Variants in TMEM260 observed in about 807,000 individuals in gnomAD.
TMEM260 encodes transmembrane protein 260.
TMEM260 carries 82 observed loss-of-function variants against 88.9 expected under a neutral mutation model. The ratio of observed to expected loss-of-function variants is 0.92; its 90% CI spans 0.77 to 1.11. TMEM260 has a LOEUF of 1.11. TMEM260 is among the 50% of genes least tolerant of loss of function. The pLI is 0.00. For missense variants in TMEM260, 902 were observed against 853.4 expected, an observed-to-expected ratio of 1.06 and a Z score of -0.71; for synonymous variants, 314 against 309.3, an observed-to-expected ratio of 1.02 and a Z score of -0.16.
At chr14:56,652,349 T>C (rs906063128), downstream of TMEM260, among the ~76,000 whole-genome samples, 1 of 151,840 alleles carries the variant, frequency 6.6e-6, no homozygotes, top group African/African-American at 2.4e-5. Flanking sequence ...AATACAAAAA[T>C]TAGCAGGGCA....
chr14:56,583,990 TTG>T (rs10594077), intron 1 of TMEM260, among the ~76,000 whole-genome samples: 45,645 of 145,668 alleles, frequency 0.31, 7,123 homozygotes, highest in East Asian at 0.44. Flanking sequence ...ATCCAGCCTT[TTG>T]TGTGTGTGTG....
At chr14:56,613,769 T>C (rs1475822150) in intron 7 of TMEM260, 1 of 151,444 alleles carries the variant, frequency 6.6e-6, no homozygotes, top group Non-Finnish European at 1.5e-5. Context: ...TTTTCAAAAA[T>C]AAAAATGGCA....
intron 15 of TMEM260, among the ~76,000 whole-genome samples, chr14:56,638,808 A>G (rs1385584813): frequency 6.6e-6 from 1 of 152,224 alleles, no homozygotes; most frequent in Non-Finnish European, 1.5e-5. Flanking sequence ...GGCAGGGCGT[A>G]GGCAATGCTA....
chr14:56,609,761 AATGCCTC>A (rs1269495759), intron 6 of TMEM260, among the ~76,000 whole-genome samples: 1 of 152,192 alleles, frequency 6.6e-6, no homozygotes, highest in African/African-American at 2.4e-5. Flanking sequence ...CATATCTGTA[AATGCCTC>A]ATGAGTTCAC....
At chr14:56,595,711 C>T (rs1375492907) in intron 3 of TMEM260, among the ~76,000 whole-genome samples, 3 of 152,002 alleles carry the variant, frequency 2.0e-5, no homozygotes, top group African/African-American at 4.8e-5. Flanking sequence ...TAGTTATGAA[C>T]CCCCAAGCAC....
Position 56,612,286 on chromosome 14 carries a change from G to GT in TMEM260, c.857+2dup. ...GATCCAGTATGTCTGAAATACTGCT[G>GT]TGAGTATGAAATATTTGAAACTACT... is the stretch of plus-strand genomic sequence containing the variant. On this transcript the variant is annotated splice_donor_variant, in intron 7 of 15. Transcript: ENST00000261556. LOFTEE classifies it high-confidence loss of function. 1 of 1,611,536 alleles carries GT rather than the reference G, an allele frequency of 6.2e-7. No individual in the cohort carries two copies.
At chr14:56,644,891 AG>A (rs1407231588) in intron 15 of TMEM260, among the ~76,000 whole-genome samples, 2 of 152,250 alleles carry the variant, frequency 1.3e-5, no homozygotes, top group African/African-American at 2.4e-5. Flanking sequence ...ACACATGAAA[AG>A]ATGCTCATCA....
chr14:56,647,772 G>A lies in TMEM260; in HGVS notation c.*275G>A. ...ACTTCCAGTCTTTCACCAGATGACTGCACTGGATTAGATTCTAGAAGAGAA... is the reference window on the plus strand; with the variant it reads ...ACTTCCAGTCTTTCACCAGATGACTACACTGGATTAGATTCTAGAAGAGAA... On this transcript the variant is annotated 3_prime_UTR_variant, in exon 16 of 16. Transcript: ENST00000261556. 1 of 402,136 alleles carries A rather than the reference G, an allele frequency of 2.5e-6. No individual in the cohort carries two copies. The highest frequency in any genetic ancestry group is 3.2e-5 in the South Asian group (1 of 31,676). 24.9% of individuals were successfully genotyped at this position (402,136 alleles called of 1,614,324 possible).
At chr14:56,603,478 A>G (rs574445940) in intron 3 of TMEM260, among the ~76,000 whole-genome samples, 2 of 152,250 alleles carry the variant, frequency 1.3e-5, no homozygotes, top group African/African-American at 2.4e-5. Context: ...ATCCTTCTTC[A>G]TGGATGGAGC....
chr14:56,641,314 C>A (rs1233351897), intron 15 of TMEM260, among the ~76,000 whole-genome samples: 1 of 152,184 alleles, frequency 6.6e-6, no homozygotes, highest in Admixed American at 6.5e-5. Flanking sequence ...AACAGCAGAT[C>A]TCTTGGGAGA....
the TMEM260 span, among the ~76,000 whole-genome samples, chr14:56,659,962 T>TA: frequency 4.6e-4 from 69 of 149,158 alleles, no homozygotes; most frequent in East Asian, 2.1e-3. Context: ...TCTATGTACT[T>TA]AAAAAAAAAA....
chr14:56,588,706 G>GT (rs1885666151), intron 3 of TMEM260, among the ~76,000 whole-genome samples: 4 of 33,790 alleles, frequency 1.2e-4, no homozygotes, highest in Admixed American at 3.3e-4. Flanking sequence ...AGTTGTTTCT[G>GT]TAAGTATTTA....
Position 56,579,970 on chromosome 14 carries a change from G to T in TMEM260, c.56G>T (p.Gly19Val). 8.0e-7 allele frequency: 1 copy of T among 1,242,976 alleles called. No individual in the cohort carries two copies. Among genetic ancestry groups the T allele is most frequent in the Non-Finnish European group, 1.0e-6 (1 of 989,174 alleles). The allele number at this position is 1,242,976 out of a possible 1,614,324, so 77.0% of individuals were successfully genotyped here. A position where few individuals can be genotyped will look rare whatever the true frequency, so the allele number is the denominator to read the frequency against. ...GQAQGRAVRVGLRRSGGIRGG... is the reference protein window; with the variant it reads ...GQAQGRAVRVVLRRSGGIRGG... ...GCCCAGGGGCGGGCAGTCCGAGTGG[G>T]GCTGCGGCGCTCCGGGGGCATCCGC... Residue 19 changes from glycine (G) to valine (V), a missense_variant, in exon 1 of 16, where the codon GGG becomes GTG. Transcript: ENST00000261556.
chr14:56,633,343 T>G (rs756378244), intron 13 of TMEM260, 172 bp downstream of exon 13: 1 of 529,446 alleles, frequency 1.9e-6, no homozygotes, highest in Non-Finnish European at 3.3e-6. Flanking sequence ...GTCCTTCTCG[T>G]TCTCCTACTT....
chr14:56,655,432 A>G (rs146534283), downstream of TMEM260, among the ~76,000 whole-genome samples: 227 of 152,242 alleles, frequency 1.5e-3, 10 homozygotes, highest in South Asian at 0.039. Flanking sequence ...TTCGGAGGCA[A>G]ATAAGTTTGG....
chr14:56,635,547 C>G (rs1392864618), intron 14 of TMEM260, among the ~76,000 whole-genome samples: 1 of 152,160 alleles, frequency 6.6e-6, no homozygotes, highest in Non-Finnish European at 1.5e-5. Flanking sequence ...TCATCCTGTC[C>G]TGTATGGAAC....
At chr14:56,641,955 G>A (rs1355222612) in intron 15 of TMEM260, among the ~76,000 whole-genome samples, 3 of 152,094 alleles carry the variant, frequency 2.0e-5, no homozygotes, top group Admixed American at 1.3e-4. Flanking sequence ...TCAACAAGAA[G>A]AACTAACCTA....
chr14:56,645,985 G>C (rs1464898987), intron 15 of TMEM260, among the ~76,000 whole-genome samples: 1 of 152,084 alleles, frequency 6.6e-6, no homozygotes, highest in Non-Finnish European at 1.5e-5. Context: ...CTAGAGATGG[G>C]GTCTTGCTTT....
chr14:56,647,395 C>G lies in TMEM260; in HGVS notation c.2022C>G (p.Tyr674Ter). ...AAACCATCAGACATTTCCGTCTGTA[C>G]TCTCAGAAAGCACCGAATGACCCAC... ...LSETIRHFRL[Y>*]SQKAPNDPQQ... is the part of the protein sequence containing the mutation. Residue 674 changes from tyrosine (Y) to a stop codon, truncating the protein, a stop_gained, in exon 16 of 16, where the codon TAC (tyrosine) becomes TAG (stop). Transcript: ENST00000261556. LOFTEE classifies it high-confidence loss of function. 6.2e-7 allele frequency: 1 copy of G among 1,614,214 alleles called. No individual in the cohort carries two copies. Among genetic ancestry groups the G allele is most frequent in the Non-Finnish European group, 8.5e-7 (1 of 1,180,042 alleles).
Sources: gnomAD v4.1 joint callset for allele counts (sites outside exome capture counted in the v4.1 genomes callset) on GRCh38, gnomAD v4.1.1 for gene constraint, MANE v1.5 for transcripts, NCBI Gene and HGNC (gene_info 2026-07-23, HGNC 2026-07-21) for gene names.